Variants in PBX1 observed in about 807,000 individuals in gnomAD.
PBX1 encodes PBX homeobox 1, also known as pre-B-cell leukemia transcription factor 1.
A neutral mutation model predicts 53.4 loss-of-function variants in PBX1; 6 were observed. The ratio of observed to expected loss-of-function variants is 0.11; its 90% CI spans 0.06 to 0.22. The LOEUF (loss-of-function observed/expected upper bound fraction) is 0.22. Ranked by LOEUF, PBX1 falls within the 10% of genes least tolerant of loss-of-function variation. The pLI is 1.00. For missense variants in PBX1, 251 were observed against 551.4 expected (o/e 0.46, Z 5.46); for synonymous variants, 204 against 212.3 (o/e 0.96, Z 0.34).
chr1:164,788,700 T>C (rs1488767137), intron 2 of PBX1, among the ~76,000 whole-genome samples: 2 of 152,124 alleles, frequency 1.3e-5, no homozygotes, highest in African/African-American at 2.4e-5. Context: ...TGAGTATAAT[T>C]TAAAGGGTGT....
intron 2 of PBX1, among the ~76,000 whole-genome samples, chr1:164,569,060 T>A (rs1653645458): frequency 6.6e-6 from 1 of 152,218 alleles, no homozygotes; most frequent in African/African-American, 2.4e-5. Flanking sequence ...ACTTTTGTCA[T>A]TAAGTAGGTA....
intron 2 of PBX1, among the ~76,000 whole-genome samples, chr1:164,577,989 T>C (rs1035431855): frequency 2.0e-5 from 3 of 152,186 alleles, no homozygotes; most frequent in Non-Finnish European, 4.4e-5. Flanking sequence ...ATGGTGATAG[T>C]AAAGAATGGA....
At chr1:164,599,247 T>A (rs34572390) in intron 2 of PBX1, among the ~76,000 whole-genome samples, 64,210 of 150,860 alleles carry the variant, frequency 0.43, 14,166 homozygotes, top group African/African-American at 0.48. Context: ...TCTTTTTTTT[T>A]AAAATTAATT....
intron 2 of PBX1, among the ~76,000 whole-genome samples, chr1:164,618,309 G>T (rs913834589): frequency 6.9e-6 from 1 of 143,964 alleles, no homozygotes; most frequent in African/African-American, 2.6e-5. Context: ...GGGGGGGGGG[G>T]GCACTCAAGA....
intron 2 of PBX1, among the ~76,000 whole-genome samples, chr1:164,724,500 A>G (rs768605102): frequency 1.1e-4 from 17 of 152,072 alleles, no homozygotes; most frequent in Non-Finnish European, 1.9e-4. Context: ...AAATCTTATA[A>G]TGGTTTAAGA....
At chr1:164,612,399 G>A (rs1254679367) in intron 2 of PBX1, among the ~76,000 whole-genome samples, 2 of 152,104 alleles carry the variant, frequency 1.3e-5, no homozygotes, top group African/African-American at 4.8e-5. Flanking sequence ...GGGGATGGGG[G>A]GACTTCTATG....
chr1:164,717,117 C>T (rs144526407), intron 2 of PBX1, among the ~76,000 whole-genome samples: 31 of 152,214 alleles, frequency 2.0e-4, no homozygotes, highest in African/African-American at 7.5e-4. Context: ...TTCTCTGCAT[C>T]TCAGTTTTTG....
chr1:164,834,039 G>GTGTGTC (rs1475571016), intron 8 of PBX1, among the ~76,000 whole-genome samples: 2 of 146,602 alleles, frequency 1.4e-5, no homozygotes, highest in Non-Finnish European at 3.0e-5. Context: ...ATGTGTGTGT[G>GTGTGTC]TGTGTGTGTG....
chr1:164,873,537 T>C (rs1227105575), intron 2 of PBX1, among the ~76,000 whole-genome samples: 1 of 152,178 alleles, frequency 6.6e-6, no homozygotes, highest in African/African-American at 2.4e-5. Flanking sequence ...AAGAATTGAG[T>C]CTAGACTCTT....
At chr1:164,764,942 C>T (rs541572189) in intron 2 of PBX1, among the ~76,000 whole-genome samples, 6 of 152,018 alleles carry the variant, frequency 3.9e-5, no homozygotes, top group African/African-American at 1.4e-4. Flanking sequence ...TTTTATAAGC[C>T]AAGTTGTCTT....
chr1:164,643,827 G>T (rs1241061818), intron 2 of PBX1, among the ~76,000 whole-genome samples: 1 of 152,158 alleles, frequency 6.6e-6, no homozygotes, highest in Admixed American at 6.5e-5. Context: ...CATGGTTGGG[G>T]TTTAAACTCA....
chr1:164,821,635 A>C lies in PBX1; in HGVS notation c.1200+9A>C, dbSNP rs544098915. ...GTCCGCAGGGCATCAGTGTAAGAAA[A>C]CAAGCCCCCCCACCCCCTGCTTTGT... On this transcript the variant is annotated intron_variant, in intron 8 of 8. Coordinates refer to ENST00000420696, the MANE Select transcript of PBX1 (RefSeq NM_002585.4). The C allele has an allele frequency of 1.9e-6, 3 of 1,607,528 alleles. No homozygotes were observed. The highest frequency in any genetic ancestry group is 2.6e-6 in the Non-Finnish European group (3 of 1,174,214).
chr1:164,561,651 T>A (rs1653053306), intron 1 of PBX1, among the ~76,000 whole-genome samples: 2 of 152,162 alleles, frequency 1.3e-5, no homozygotes, highest in Non-Finnish European at 2.9e-5. Flanking sequence ...TAAGAATAGA[T>A]ACTACTTTTT....
chr1:164,806,694 C>T (rs746195966), intron 4 of PBX1, among the ~76,000 whole-genome samples: 10 of 152,140 alleles, frequency 6.6e-5, no homozygotes, highest in African/African-American at 9.7e-5. Context: ...TCGGTAAATA[C>T]GAATAATCAT....
intron 2 of PBX1, among the ~76,000 whole-genome samples, chr1:164,766,874 C>T (rs1336345313): frequency 3.3e-5 from 5 of 151,618 alleles, no homozygotes; most frequent in East Asian, 1.9e-4. Context: ...ATTACAGGCA[C>T]GCACCACCAT....
At chr1:164,635,430 A>G (rs1233345024) in intron 2 of PBX1, among the ~76,000 whole-genome samples, 1 of 152,230 alleles carries the variant, frequency 6.6e-6, no homozygotes, top group Non-Finnish European at 1.5e-5. Context: ...ACAAATTAAT[A>G]TACTCTACTT....
chr1:164,796,958 G>A (rs928748078), intron 3 of PBX1, among the ~76,000 whole-genome samples: 1 of 152,180 alleles, frequency 6.6e-6, no homozygotes, highest in Non-Finnish European at 1.5e-5. Flanking sequence ...TGAGGGAAGT[G>A]AGGAGGAGGT....
In PBX1 at chr1:164,656,534, A is replaced by G. The variant is rs1166389999; in HGVS notation, c.265+93223A>G. Among the ~76,000 whole-genome samples, 9 of 152,172 alleles carry G rather than the reference A, an allele frequency of 5.9e-5. No individual in the cohort carries two copies. The South Asian group carries it at 1.0e-3, about 18-fold the overall frequency. ...TAGTTTCACTTCCCTGAAACTAAAC[A>G]TATCTATTCCTTTCGTCTTAGACAA... On this transcript the variant is annotated intron_variant, in intron 2 of 8. Coordinates refer to ENST00000420696, the MANE Select transcript of PBX1 (RefSeq NM_002585.4).
intron 2 of PBX1, among the ~76,000 whole-genome samples, chr1:164,774,186 T>G (rs1449117328): frequency 6.6e-6 from 1 of 152,132 alleles, no homozygotes; most frequent in African/African-American, 2.4e-5. Flanking sequence ...AAACCTAACA[T>G]AAGACAATTT....
Sources: allele counts gnomAD v4.1 joint callset (sites outside exome capture counted in the v4.1 genomes callset), GRCh38; gene constraint gnomAD v4.1.1; transcripts MANE v1.5; gene names NCBI Gene and HGNC (gene_info 2026-07-23, HGNC 2026-07-21).